STOX2: variants seen among roughly 807,000 people sequenced by gnomAD.
STOX2 encodes storkhead-box protein 2.
A neutral mutation model predicts 60.9 loss-of-function variants in STOX2; 28 were observed. That is an observed-to-expected ratio of 0.46 (90% CI 0.34 to 0.63). The LOEUF (loss-of-function observed/expected upper bound fraction) is 0.63, where lower values mean the gene tolerates loss of function less well. Among genes scored for constraint, STOX2 ranks in the 30% least tolerant of loss-of-function variants. STOX2 has a pLI of 0.01. For synonymous variants in STOX2, 472 were observed against 463.9 expected, an observed-to-expected ratio of 1.02 and a Z score of -0.22; for missense variants, 1,024 against 1,187.7, an observed-to-expected ratio of 0.86 and a Z score of 2.03.
At chr4:183,893,238 C>T (rs1324292765) in intron 1 of STOX2, among the ~76,000 whole-genome samples, 5 of 152,176 alleles carry the variant, frequency 3.3e-5, no homozygotes, top group Non-Finnish European at 5.9e-5. Flanking sequence ...TACTGAGACG[C>T]CACAGCCCCA....
intron 1 of STOX2, among the ~76,000 whole-genome samples, chr4:183,863,594 A>G (rs1380124555): frequency 6.6e-6 from 1 of 152,140 alleles, no homozygotes; most frequent in Non-Finnish European, 1.5e-5. Flanking sequence ...TAGTGTTTCC[A>G]TTAGTATTGC....
intron 1 of STOX2, among the ~76,000 whole-genome samples, chr4:183,950,327 A>G (rs1743029991): frequency 6.6e-6 from 1 of 152,166 alleles, no homozygotes; most frequent in Admixed American, 6.5e-5. Flanking sequence ...GCCTTCATGG[A>G]CCTACAGATT....
rs531776831 is a variant in STOX2 at position 183,836,923 on chromosome 4, G to A, written c.364+38868G>A. Among the ~76,000 whole-genome samples the A allele has an allele frequency of 6.6e-6, 1 of 152,304 alleles. No individual in the cohort carries two copies. The highest frequency in any genetic ancestry group is 1.9e-4 in the East Asian group (1 of 5,182). Reference sequence around the variant, plus strand: ...TTCTGTCTTTTATATAATAATTCCAGGAAGACGGTGTTTTGAGTTCCTACT... The same window carrying A: ...TTCTGTCTTTTATATAATAATTCCAAGAAGACGGTGTTTTGAGTTCCTACT... On this transcript the variant is annotated intron_variant, in intron 1 of 2. Coordinates refer to the STOX2 transcript ENST00000513034. The surrounding 1 kb of genome is among the most constrained non-coding windows in gnomAD (Gnocchi z 4.1).
rs1298359405 is a variant in STOX2 at position 184,020,402 on chromosome 4, T to C, written c.*3118T>C. Reference sequence around the variant, plus strand: ...CCACCCATTCCTGTTAAAAGTTCTCTGGCGAAGAGCCAATGGGTGAACGTA... The same window carrying C: ...CCACCCATTCCTGTTAAAAGTTCTCCGGCGAAGAGCCAATGGGTGAACGTA... On this transcript the variant is annotated 3_prime_UTR_variant, in exon 4 of 4. Transcript: ENST00000308497. 6.6e-6 allele frequency: 1 copy of C among 151,096 alleles called. No homozygotes were observed. Among genetic ancestry groups the C allele is most frequent in the Non-Finnish European group, 1.5e-5 (1 of 67,744 alleles). 9.4% of individuals were successfully genotyped at this position (151,096 alleles called of 1,614,324 possible).
Position 184,011,108 on chromosome 4 carries a change from C to T in STOX2, c.2270C>T (p.Ser757Phe). 1 of 1,589,924 alleles carries T rather than the reference C, an allele frequency of 6.3e-7. No homozygotes were observed. The highest frequency in any genetic ancestry group is 2.2e-5 in the East Asian group (1 of 44,560). ...TCGGCGGCACAAGCCATGCCTGCTT[C>T]CCAGCGTCAGCAGGAGTCAGGAGGG... ...GTSAAQAMPASQRQQESGGNQ... is the reference protein window; with the variant it reads ...GTSAAQAMPAFQRQQESGGNQ... Residue 757 changes from serine to phenylalanine, a missense_variant, in exon 3 of 4, where the codon TCC (serine) becomes TTC (phenylalanine). Around this residue, in one of 3 missense-constraint regions of STOX2, gnomAD observed 922 missense variants for 1,058.3 expected, o/e 0.87. Coordinates refer to ENST00000308497, the MANE Select transcript of STOX2 (RefSeq NM_020225.3). This position sits in a 1 kb window ranked among gnomAD's most constrained non-coding sequence, Gnocchi z 4.4.
At chr4:183,800,234 C>G (rs1738729177) in intron 1 of STOX2, among the ~76,000 whole-genome samples, 1 of 152,018 alleles carries the variant, frequency 6.6e-6, no homozygotes, top group Admixed American at 6.6e-5. Flanking sequence ...CTTTGCAATT[C>G]CAGTCTGGAA....
At chr4:183,885,379 A>T (rs1050622322) in intron 1 of STOX2, among the ~76,000 whole-genome samples, 1 of 152,126 alleles carries the variant, frequency 6.6e-6, no homozygotes, top group African/African-American at 2.4e-5. Context: ...CGAGAGCGGG[A>T]ACAGCTGTTT....
intron 1 of STOX2, among the ~76,000 whole-genome samples, chr4:183,969,031 TAAAAC>T (rs1232005046): frequency 1.3e-5 from 2 of 152,244 alleles, no homozygotes; most frequent in African/African-American, 4.8e-5. Context: ...TGTTTGTTCT[TAAAAC>T]AAGCCTTTTA....
intron 1 of STOX2, among the ~76,000 whole-genome samples, chr4:183,970,889 G>A (rs941808838): frequency 6.6e-6 from 1 of 152,190 alleles, no homozygotes; most frequent in Non-Finnish European, 1.5e-5. Flanking sequence ...CAAGATTTCT[G>A]TTCAACAGGC....
chr4:183,949,699 AAATC>A (rs1325663783), intron 1 of STOX2, among the ~76,000 whole-genome samples: 3 of 152,196 alleles, frequency 2.0e-5, no homozygotes, highest in Non-Finnish European at 2.9e-5. Flanking sequence ...CTCCGTATCA[AAATC>A]AAACAAACAA....
At chr4:184,016,679 T>G (rs1355935722) in intron 3 of STOX2, among the ~76,000 whole-genome samples, 2 of 152,046 alleles carry the variant, frequency 1.3e-5, no homozygotes, top group Non-Finnish European at 2.9e-5. Context: ...AATTATCGAG[T>G]GTGTTCAGGA....
chr4:184,022,702 A>G lies in STOX2; in HGVS notation c.*5418A>G, dbSNP rs1011738564. ...AATGTGAGACCTGAGATCTCCTCCAATATCTGTCCTCTGCAGTTCCGGGAA... is the reference window on the plus strand; with the variant it reads ...AATGTGAGACCTGAGATCTCCTCCAGTATCTGTCCTCTGCAGTTCCGGGAA... On this transcript the variant is annotated 3_prime_UTR_variant, in exon 4 of 4. Transcript: ENST00000308497. 1 of 151,584 alleles carries G rather than the reference A, an allele frequency of 6.6e-6. No individual in the cohort carries two copies. The highest frequency in any genetic ancestry group is 2.1e-4 in the South Asian group (1 of 4,790). The allele number at this position is 151,584 out of a possible 1,614,324, so 9.4% of individuals were successfully genotyped here. A position where few individuals can be genotyped will look rare whatever the true frequency, so the allele number is the denominator to read the frequency against.
In STOX2 at chr4:183,889,061, T is replaced by C. The variant is rs1741147444; in HGVS notation, c.364+91006T>C. 3.3e-5 allele frequency among the ~76,000 whole-genome samples: 5 copies of C among 151,860 alleles called. No individual in the cohort carries two copies. The South Asian group carries it at 1.0e-3, about 32-fold the overall frequency. ...GGTTTATTTTTTTTCCTTAATGAAT[T>C]TGGCTTTGGTTTATCAGTCCAAGGG... On this transcript the variant is annotated intron_variant, in intron 1 of 2. Coordinates refer to the STOX2 transcript ENST00000513034.
At chr4:184,004,354 C>CT (rs1233363404) in intron 2 of STOX2, among the ~76,000 whole-genome samples, 7 of 152,142 alleles carry the variant, frequency 4.6e-5, no homozygotes, top group Non-Finnish European at 1.0e-4. Context: ...AATCCCAGCA[C>CT]TTTGGGAGGC....
At chr4:183,820,781 C>T (rs146094377) in intron 1 of STOX2, among the ~76,000 whole-genome samples, 2 of 151,990 alleles carry the variant, frequency 1.3e-5, no homozygotes, top group South Asian at 4.1e-4. Flanking sequence ...TTCAAGGTAA[C>T]TCAGAAACCA....
intron 1 of STOX2, among the ~76,000 whole-genome samples, chr4:183,870,897 AG>A (rs1164930796): frequency 6.6e-6 from 1 of 152,360 alleles, no homozygotes; most frequent in African/African-American, 2.4e-5. Flanking sequence ...CCACATTCAT[AG>A]TCTACTGAAT....
intron 1 of STOX2, among the ~76,000 whole-genome samples, chr4:183,842,231 T>A (rs1203499299): frequency 6.6e-6 from 1 of 152,226 alleles, no homozygotes; most frequent in East Asian, 1.9e-4. Context: ...TCTGCTTTTT[T>A]AGATGGAACC....
intron 1 of STOX2, among the ~76,000 whole-genome samples, chr4:183,863,216 C>T (rs564408193): frequency 6.6e-5 from 10 of 152,248 alleles, no homozygotes; most frequent in East Asian, 3.9e-4. Context: ...CAATGTGGAA[C>T]GCTGTAAAGC....
chr4:183,980,699 G>GT (rs5864862), intron 1 of STOX2, among the ~76,000 whole-genome samples: 2,394 of 148,878 alleles, frequency 0.016, 58 homozygotes, highest in African/African-American at 0.053. Context: ...CTTATTCATA[G>GT]TTTTTTTTTT....
Sources: gnomAD v4.1 joint callset for allele counts (sites outside exome capture counted in the v4.1 genomes callset) on GRCh38, gnomAD v4.1.1 for gene constraint, gnomAD v4.1.1 regional missense constraint, Gnocchi (gnomAD v3.1) non-coding constraint, MANE v1.5 for transcripts, NCBI Gene and HGNC (gene_info 2026-07-23, HGNC 2026-07-21) for gene names.